MEIG1: variants seen among roughly 807,000 people sequenced by gnomAD.
The protein encoded by MEIG1 is meiosis/spermiogenesis associated 1, also known as meiosis expressed gene 1 protein homolog.
In MEIG1, 12 loss-of-function variants were observed where a neutral mutation model predicts 11.3. The ratio of observed to expected loss-of-function variants is 1.07; its 90% CI spans 0.68 to 1.73. The LOEUF is 1.73. Ranked by LOEUF, MEIG1 falls within the 40% of genes most tolerant of loss-of-function variation. The probability of loss-of-function intolerance (pLI) is 0.00; values close to 1 mark genes in which losing one functional copy is unlikely to be tolerated. For missense variants in MEIG1, 119 were observed against 104.9 expected (o/e 1.13, Z -0.59); for synonymous variants, 41 against 33.2 (o/e 1.24, Z -0.81).
intron 2 of MEIG1, chr10:14,987,652 C>T (rs1843332494): frequency 2.4e-6 from 1 of 420,732 alleles, no homozygotes; most frequent in South Asian, 2.6e-5. Context: ...TCTGTACATA[C>T]TACTTTAGAG....
intron 1 of MEIG1, among the ~76,000 whole-genome samples, chr10:14,961,177 T>G (rs1432675647): frequency 6.6e-6 from 1 of 152,236 alleles, no homozygotes; most frequent in East Asian, 1.9e-4. Flanking sequence ...CCCCTGCAGT[T>G]GGGCAACATC....
Position 14,972,557 on chromosome 10 carries a change from A to C in MEIG1, c.183A>C (p.Arg61Ser), listed in dbSNP as rs1411348988. The C allele has an allele frequency of 6.2e-7, 1 of 1,614,132 alleles. No homozygotes were observed. The highest frequency in any genetic ancestry group is 1.7e-5 in the Admixed American group (1 of 60,028). Residue 61 changes from arginine (R) to serine (S), a missense_variant, in exon 3 of 3, where the codon AGA becomes AGC. By Grantham distance (110) the Arg-to-Ser change is moderately radical. Coordinates refer to ENST00000407572, the MANE Select transcript of MEIG1 (RefSeq NM_001080836.3). The part of the protein sequence containing the change: ...PETGYVKKLQ[R>S]RDNTFYYYNK... ...CAGGATATGTGAAGAAACTTCAGAG[A>C]AGGGACAATACGTTCTATTACTACA...
At chr10:14,985,283 C>T (rs1285217100) in intron 1 of MEIG1, among the ~76,000 whole-genome samples, 3 of 151,898 alleles carry the variant, frequency 2.0e-5, no homozygotes, top group Non-Finnish European at 2.9e-5. Flanking sequence ...TGATATGACT[C>T]GTCATATCCT....
intron 1 of MEIG1, among the ~76,000 whole-genome samples, chr10:14,979,727 T>C (rs912409894): frequency 4.6e-5 from 7 of 152,000 alleles, no homozygotes; most frequent in African/African-American, 1.5e-4. Flanking sequence ...GTACACCCCT[T>C]GATATTATTC....
chr10:14,956,837 G>T (rs892172808), upstream of MEIG1, among the ~76,000 whole-genome samples: 1 of 152,216 alleles, frequency 6.6e-6, no homozygotes, highest in Non-Finnish European at 1.5e-5. Flanking sequence ...GCCAAGGCAG[G>T]TGGATCACTT....
chr10:14,955,360 G>A (rs749543434), upstream of MEIG1, among the ~76,000 whole-genome samples: 1 of 152,176 alleles, frequency 6.6e-6, no homozygotes, highest in Non-Finnish European at 1.5e-5. Context: ...GCAAGGTAAC[G>A]TGAGAACAAA....
intron 2 of MEIG1, among the ~76,000 whole-genome samples, chr10:14,967,847 T>G (rs940476371): frequency 2.0e-5 from 3 of 152,174 alleles, no homozygotes; most frequent in Admixed American, 6.5e-5. Flanking sequence ...CTTAATTATT[T>G]TTGATATTTA....
At chr10:14,961,309 C>A (rs1843009689) in intron 1 of MEIG1, among the ~76,000 whole-genome samples, 1 of 152,134 alleles carries the variant, frequency 6.6e-6, no homozygotes, top group African/African-American at 2.4e-5. Flanking sequence ...ATGCGTATTG[C>A]TTTTGCACCA....
chr10:14,960,245 A>C (rs989963112), intron 1 of MEIG1, among the ~76,000 whole-genome samples: 6 of 152,292 alleles, frequency 3.9e-5, no homozygotes, highest in African/African-American at 1.4e-4. Flanking sequence ...AATAGGAGGA[A>C]TAAAAGGGAC....
At chr10:14,955,937 A>G (rs1589198176), upstream of MEIG1, among the ~76,000 whole-genome samples, 1 of 152,342 alleles carries the variant, frequency 6.6e-6, no homozygotes, top group East Asian at 1.9e-4. Context: ...CTGCCCTGGC[A>G]GGGTTATGGA....
chr10:14,960,457 A>C (rs184060315), intron 1 of MEIG1, among the ~76,000 whole-genome samples: 1 of 152,080 alleles, frequency 6.6e-6, no homozygotes, highest in African/African-American at 2.4e-5. Flanking sequence ...CTCGCTCTGT[A>C]GCCCAGGCTG....
At chr10:14,986,737 A>G (rs988930997) in intron 1 of MEIG1, 37 of 314,932 alleles carry the variant, frequency 1.2e-4, no homozygotes, top group Middle Eastern at 2.3e-3. Context: ...GGCCCTGCGA[A>G]TAGCTGAGAC....
intron 1 of MEIG1, among the ~76,000 whole-genome samples, chr10:14,986,453 G>C (rs1395207004): frequency 6.6e-6 from 1 of 152,198 alleles, no homozygotes. Context: ...TTCTTGTGAA[G>C]TAAAATTTTC....
chr10:14,976,988 A>G (rs762388857), downstream of MEIG1, among the ~76,000 whole-genome samples: 4 of 146,800 alleles, frequency 2.7e-5, no homozygotes, highest in Non-Finnish European at 6.0e-5. Context: ...CGTTATATCC[A>G]CGGGGGATGT....
At chr10:14,966,887 C>A (rs1314247227) in intron 2 of MEIG1, among the ~76,000 whole-genome samples, 1 of 152,116 alleles carries the variant, frequency 6.6e-6, no homozygotes, top group Non-Finnish European at 1.5e-5. Flanking sequence ...GCGTGCACCA[C>A]CACGCCTGGC....
downstream of MEIG1, among the ~76,000 whole-genome samples, chr10:14,974,726 A>T (rs1260997246): frequency 6.6e-6 from 1 of 152,144 alleles, no homozygotes; most frequent in Non-Finnish European, 1.5e-5. Flanking sequence ...ATAACAATAA[A>T]TGATTAATAT....
chr10:14,957,282 G>C (rs1311395750), upstream of MEIG1, among the ~76,000 whole-genome samples: 1 of 152,172 alleles, frequency 6.6e-6, no homozygotes, highest in Non-Finnish European at 1.5e-5. Context: ...CATGTTGATA[G>C]TAAGTAGAGC....
chr10:14,971,367 CAA>C (rs10560526), intron 2 of MEIG1, among the ~76,000 whole-genome samples: 98,261 of 146,914 alleles, frequency 0.67, 32,778 homozygotes, highest in Admixed American at 0.7. Flanking sequence ...CCTGTCTCTA[CAA>C]AAAAAAAAAA....
chr10:14,981,090 AC>A, intron 1 of MEIG1, among the ~76,000 whole-genome samples: 1 of 152,226 alleles, frequency 6.6e-6, no homozygotes, highest in South Asian at 2.1e-4. Flanking sequence ...CTTGAGACGG[AC>A]CTGGATACCT....
Sources: allele counts gnomAD v4.1 joint callset (sites outside exome capture counted in the v4.1 genomes callset), GRCh38; gene constraint gnomAD v4.1.1; transcripts MANE v1.5; gene names NCBI Gene and HGNC (gene_info 2026-07-23, HGNC 2026-07-21).